SERPINC1: variants seen among roughly 807,000 people sequenced by gnomAD.
The protein encoded by SERPINC1 is antithrombin-III.
In SERPINC1, 12 loss-of-function variants were observed where a neutral mutation model predicts 43.4. The observed-to-expected ratio is 0.28, with a 90% CI of 0.18 to 0.45. SERPINC1 has a LOEUF of 0.45. Ranked by LOEUF, SERPINC1 falls within the 20% of genes least tolerant of loss-of-function variation. SERPINC1 has a pLI of 1.00. For synonymous variants in SERPINC1, 210 were observed against 218.9 expected (o/e 0.96, Z 0.36); for missense variants, 423 against 578.8 (o/e 0.73, Z 2.76).
At chr1:173,911,719 T>C (rs756955886) in intron 3 of SERPINC1, 80 bp downstream of exon 3, 47 of 1,143,856 alleles carry the variant, frequency 4.1e-5, no homozygotes, top group Non-Finnish European at 5.1e-5. Context: ...CAGTGTGAAT[T>C]TGGATGCTGT....
chr1:173,912,153 A>G (rs1657797781), intron 2 of SERPINC1, 139 bp from the exon 3 acceptor site: 1 of 716,206 alleles, frequency 1.4e-6, no homozygotes, highest in East Asian at 2.7e-5. Flanking sequence ...GGGACAGCAT[A>G]AATGCTCAAC....
chr1:173,903,831 T>C lies in SERPINC1; in HGVS notation c.*58A>G. ...ATGTGAGATGGAAGTAGTTTGTATT[T>C]ATTTTTACTTCTGTTCACAAACCAA... On this transcript the variant is annotated 3_prime_UTR_variant, in exon 7 of 7. Coordinates refer to ENST00000367698, the MANE Select transcript of SERPINC1 (RefSeq NM_000488.4). 6.9e-7 allele frequency: 1 copy of C among 1,444,560 alleles called. No homozygotes were observed. The highest frequency in any genetic ancestry group is 9.7e-7 in the Non-Finnish European group (1 of 1,027,422). 89.5% of individuals were successfully genotyped at this position (1,444,560 alleles called of 1,614,324 possible). A position where few individuals can be genotyped will look rare whatever the true frequency, so the allele number is the denominator to read the frequency against.
intron 2 of SERPINC1, 93 bp downstream of exon 2, chr1:173,914,460 G>T: frequency 1.4e-6 from 2 of 1,425,790 alleles, no homozygotes; most frequent in Non-Finnish European, 2.0e-6. Context: ...CTAGTGGCCT[G>T]CAGTGTTGGT....
rs1173535550 is a variant in SERPINC1, at chr1:173,914,855, G to A, written c.106C>T (p.Pro36Ser). ...GGCTTGGCTGTGCAGATGTCCACAG[G>A]GCTCCCGTGACAGGTCACGCAGTCC... is the stretch of plus-strand genomic sequence containing the variant. ...FWDCVTCHGS[P>S]VDICTAKPRD... is the part of the protein sequence containing the mutation. Residue 36 changes from proline (P) to serine (S), a missense_variant, in exon 2 of 7, where the codon CCT becomes TCT. Physicochemically the swap from Pro to Ser is moderately conservative, Grantham distance 74. Transcript: ENST00000367698. 6 of 1,614,092 alleles carry A rather than the reference G, an allele frequency of 3.7e-6. No individual in the cohort carries two copies. The highest frequency in any genetic ancestry group is 4.2e-6 in the Non-Finnish European group (5 of 1,180,054).
chr1:173,915,495 G>A (rs1048543336), intron 1 of SERPINC1, among the ~76,000 whole-genome samples: 2 of 152,132 alleles, frequency 1.3e-5, no homozygotes, highest in African/African-American at 4.8e-5. Flanking sequence ...GGACAACATG[G>A]TGAAACCCTG....
At chr1:173,912,299 G>A (rs1157206490) in intron 2 of SERPINC1, among the ~76,000 whole-genome samples, 1 of 152,216 alleles carries the variant, frequency 6.6e-6, no homozygotes, top group African/African-American at 2.4e-5. Flanking sequence ...TTGCTGGAAT[G>A]GGAAAAGTCC....
intron 1 of SERPINC1, 21 bp downstream of exon 1, chr1:173,917,198 G>A (rs763486422): frequency 1.2e-6 from 2 of 1,611,738 alleles, no homozygotes; most frequent in East Asian, 4.5e-5. Flanking sequence ...GGCAGGCAAG[G>A]GGAAAGCTCA....
intron 3 of SERPINC1, 113 bp downstream of exon 3, chr1:173,911,686 T>A: frequency 1.1e-6 from 1 of 871,514 alleles, no homozygotes. Context: ...TAGTCAGCCC[T>A]CCAGCAGTCT....
intron 6 of SERPINC1, 28 bp downstream of exon 6, chr1:173,907,422 C>G: frequency 6.4e-7 from 1 of 1,560,460 alleles, no homozygotes; most frequent in South Asian, 1.1e-5. Flanking sequence ...CTTTCTGTAC[C>G]CTAAGAGAGT....
At chr1:173,907,611 T>A (rs1485971559) in intron 5 of SERPINC1, 97 bp from the exon 6 acceptor site, 1 of 852,758 alleles carries the variant, frequency 1.2e-6, no homozygotes, top group Non-Finnish European at 2.1e-6. Flanking sequence ...CCTTTGGGGC[T>A]TTTTGAAACA....
intron 5 of SERPINC1, among the ~76,000 whole-genome samples, chr1:173,908,904 C>T (rs938607887): frequency 7.2e-5 from 11 of 152,108 alleles, no homozygotes; most frequent in South Asian, 2.1e-4. Flanking sequence ...CGGTGGCTGA[C>T]GCCTGTAATC....
At chr1:173,905,696 A>G (rs541773015) in intron 6 of SERPINC1, among the ~76,000 whole-genome samples, 4 of 151,534 alleles carry the variant, frequency 2.6e-5, no homozygotes, top group African/African-American at 9.8e-5. Context: ...ATTCCAGCCT[A>G]GGCGAGAGAG....
At chr1:173,904,234 A>T (rs1398570244) in intron 6 of SERPINC1, among the ~76,000 whole-genome samples, 169 bp from the exon 7 acceptor site, 1 of 152,220 alleles carries the variant, frequency 6.6e-6, no homozygotes, top group Non-Finnish European at 1.5e-5. Context: ...TCATTCTTTC[A>T]TGCAGAGAAT....
At position 173,909,754 on chromosome 1, in the gene SERPINC1, C is replaced by T. The variant is rs1468108124; in HGVS notation, c.951G>A (p.Leu317=). The T allele has an allele frequency of 2.5e-6, 4 of 1,614,020 alleles. No homozygotes were observed. Among genetic ancestry groups the T allele is most frequent in the Non-Finnish European group, 3.4e-6 (4 of 1,179,990 alleles). The change falls in exon 5 of 7, where the codon TTG becomes TTA. Residue 317 remains leucine (L), a synonymous_variant. Coordinates refer to ENST00000367698, the MANE Select transcript of SERPINC1 (RefSeq NM_000488.4). The stretch of plus-strand genomic sequence containing the variant: ...TGGCCAGGCTCTTCTCAGGCTTGGG[C>T]AAGATGAGGACCATGGTGATGTCAT... ...KGDDITMVLI[L]PKPEKSLAKV...
At chr1:173,909,165 GTAATAA>G (rs111676908) in intron 5 of SERPINC1, among the ~76,000 whole-genome samples, 13 of 150,790 alleles carry the variant, frequency 8.6e-5, no homozygotes, top group African/African-American at 2.5e-4. Flanking sequence ...TCTGTCTCAA[GTAATAA>G]TAATAATAAT....
rs199469504 is a variant in SERPINC1, at chr1:173,911,933, G to T, written c.490C>A (p.Arg164=). 4 of 1,614,150 alleles carry T rather than the reference G, an allele frequency of 2.5e-6. No individual in the cohort carries two copies. In the South Asian group the frequency reaches 3.3e-5, roughly 13 times the overall value. The stretch of plus-strand genomic sequence containing the variant: ...AACTTGGAGGATTTGTTGGCTTTTC[G>T]ATAGAGTCGGCAGTTCAGTTTGGCA... ...FFAKLNCRLY[R]KANKSSKLVS... Residue 164 remains arginine (R), a synonymous_variant, in exon 3 of 7, where the codon CGA becomes AGA. Transcript: ENST00000367698.
chr1:173,913,142 A>G (rs140785934), intron 2 of SERPINC1, among the ~76,000 whole-genome samples: 1 of 152,274 alleles, frequency 6.6e-6, no homozygotes, highest in East Asian at 1.9e-4. Context: ...TCAAATAAGC[A>G]CCGTATACCA....
chr1:173,907,309 G>T lies in SERPINC1; in HGVS notation c.1218+141C>A, dbSNP rs1189390967. ...GAAGGCAGAACAATCACACCATGAA[G>T]GTTTTGGAGAGGGCTGTATTATAGC... On this transcript the variant is annotated intron_variant, in intron 6 of 6. Transcript: ENST00000367698. 1.9e-5 allele frequency: 14 copies of T among 733,526 alleles called. No homozygotes were observed. The East Asian group carries it at 3.5e-4, about 18-fold the overall frequency. The allele number at this position is 733,526 out of a possible 1,614,324, so 45.4% of individuals were successfully genotyped here.
At chr1:173,907,251 C>T (rs558146014) in intron 6 of SERPINC1, among the ~76,000 whole-genome samples, 199 bp downstream of exon 6, 2 of 152,238 alleles carry the variant, frequency 1.3e-5, no homozygotes, top group South Asian at 2.1e-4. Flanking sequence ...TTTGTGTTCC[C>T]GCTTGACCTG....
Sources: allele counts gnomAD v4.1 joint callset (sites outside exome capture counted in the v4.1 genomes callset), GRCh38; gene constraint gnomAD v4.1.1; transcripts MANE v1.5; gene names NCBI Gene and HGNC (gene_info 2026-07-23, HGNC 2026-07-21).